SPDL1: variants seen among roughly 807,000 people sequenced by gnomAD.
The protein encoded by SPDL1 is spindle apparatus coiled-coil protein 1.
A neutral mutation model predicts 79.5 loss-of-function variants in SPDL1; 85 were observed. The observed-to-expected ratio is 1.07, with a 90% CI of 0.90 to 1.28. The LOEUF (loss-of-function observed/expected upper bound fraction) is 1.28. Ranked by LOEUF, SPDL1 falls within the 50% of genes most tolerant of loss-of-function variation. SPDL1 has a pLI of 0.00. For synonymous variants in SPDL1, 269 were observed against 240.3 expected (o/e 1.12, Z -1.10); for missense variants, 703 against 697.8 (o/e 1.01, Z -0.08).
intron 10 of SPDL1, among the ~76,000 whole-genome samples, chr5:169,599,740 A>C (rs189632692): frequency 6.6e-6 from 1 of 152,298 alleles, no homozygotes; most frequent in Admixed American, 6.5e-5. Flanking sequence ...CTTGATTCTC[A>C]GGGGCCATGT....
chr5:169,593,332 A>G, intron 3 of SPDL1, 22 bp from the exon 4 acceptor site: 1 of 1,482,692 alleles, frequency 6.7e-7, no homozygotes, highest in Non-Finnish European at 9.2e-7. Flanking sequence ...TCAATTTATG[A>G]CTTTTTTTTT....
chr5:169,586,861 AAATTAT>A (rs1308909484), intron 1 of SPDL1, among the ~76,000 whole-genome samples: 1 of 152,194 alleles, frequency 6.6e-6, no homozygotes, highest in African/African-American at 2.4e-5. Flanking sequence ...TGATTCTTTT[AAATTAT>A]ATCAGATCCT....
intron 9 of SPDL1, 104 bp downstream of exon 9, chr5:169,598,683 C>T (rs983790991): frequency 2.3e-5 from 25 of 1,101,356 alleles, no homozygotes; most frequent in East Asian, 4.8e-5. Context: ...GGAAATTTTC[C>T]GAAAAGAAAG....
At chr5:169,601,118 T>A (rs1227834301) in intron 10 of SPDL1, among the ~76,000 whole-genome samples, 162 bp from the exon 11 acceptor site, 2 of 152,212 alleles carry the variant, frequency 1.3e-5, no homozygotes, top group Non-Finnish European at 2.9e-5. Context: ...GATTCCATGA[T>A]AAAGAATAAA....
intron 11 of SPDL1, among the ~76,000 whole-genome samples, chr5:169,602,959 A>G (rs1475360121): frequency 1.3e-5 from 2 of 152,152 alleles, no homozygotes; most frequent in Non-Finnish European, 2.9e-5. Flanking sequence ...CAGCCTTGCT[A>G]TCTGTATTGT....
intron 1 of SPDL1, chr5:169,587,296 T>C (rs1363258255): frequency 6.6e-6 from 1 of 152,198 alleles, no homozygotes; most frequent in East Asian, 1.9e-4. Flanking sequence ...CAAGAAATAC[T>C]CGTTCAGTGA....
rs1235734384 is a variant in SPDL1, at chr5:169,598,952, C to G, written c.1137-20C>G. 3 of 1,515,778 alleles carry G rather than the reference C, an allele frequency of 2.0e-6. No homozygotes were observed. Among genetic ancestry groups the G allele is most frequent in the South Asian group, 2.7e-5 (2 of 74,652 alleles). 93.9% of individuals were successfully genotyped at this position (1,515,778 alleles called of 1,614,324 possible). Reference sequence around the variant, plus strand: ...TATGCTGTCTTAATACTCGTTGGTTCTCCTTTTTTATTATCATAGCAAAGA... The same window carrying G: ...TATGCTGTCTTAATACTCGTTGGTTGTCCTTTTTTATTATCATAGCAAAGA... On this transcript the variant is annotated intron_variant, in intron 9 of 11. Transcript: ENST00000265295.
chr5:169,600,834 C>T (rs1252719624), intron 10 of SPDL1, among the ~76,000 whole-genome samples: 1 of 152,040 alleles, frequency 6.6e-6, no homozygotes, highest in Admixed American at 6.6e-5. Flanking sequence ...TACACAATAC[C>T]AAGTGAAGTG....
chr5:169,599,073 A>G lies in SPDL1; in HGVS notation c.1238A>G (p.Asn413Ser). ...GATATTGAGCGAAAACTTTTTGCAA[A>G]TGAAAGATGCCTCCAGCTTTCAGAA... ...ALDIERKLFA[N>S]ERCLQLSESE... is the part of the protein sequence containing the mutation. Residue 413 changes from asparagine to serine, a missense_variant, in exon 10 of 12, where the codon AAT becomes AGT. Transcript: ENST00000265295. The G allele has an allele frequency of 1.2e-6, 2 of 1,603,812 alleles. No individual in the cohort carries two copies. The highest frequency in any genetic ancestry group is 2.2e-5 in the East Asian group (1 of 44,624).
Position 169,594,595 on chromosome 5 carries a change from GA to G in SPDL1, c.807del (p.Glu269AspfsTer7). 2 of 1,614,004 alleles carry G rather than the reference GA, an allele frequency of 1.2e-6. No homozygotes were observed. Among genetic ancestry groups the G allele is most frequent in the Non-Finnish European group, 1.7e-6 (2 of 1,179,892 alleles). On this transcript the variant is annotated frameshift_variant, in exon 7 of 12. Coordinates refer to ENST00000265295, the MANE Select transcript of SPDL1 (RefSeq NM_017785.5). LOFTEE classifies it high-confidence loss of function. ...GGTGGAAGATCGAAGGGCAGCAATG[GA>G]ACGTCAGCTCATCAGTATGAAAGTC... ...AEVEDRRAAM[E>X]RQLISMKVKY...
intron 11 of SPDL1, 173 bp downstream of exon 11, chr5:169,601,798 C>A: frequency 1.4e-6 from 1 of 720,062 alleles, no homozygotes; most frequent in South Asian, 1.5e-5. Flanking sequence ...AAAGACTAAA[C>A]TGATTGCAAA....
intron 4 of SPDL1, among the ~76,000 whole-genome samples, chr5:169,593,827 A>G (rs968280457): frequency 3.3e-5 from 5 of 152,178 alleles, no homozygotes; most frequent in African/African-American, 7.2e-5. Context: ...ATTTTATCGT[A>G]AGAGCCCAGT....
In SPDL1 at chr5:169,604,074, C is replaced by A. The variant is rs1271327797; in HGVS notation, c.1685C>A (p.Ser562Ter). ...TPNSPRLAAE[S>*]KLQTEVKEGK... ...AATGCCTGTAGGTTAGCTGCTGAAT[C>A]AAAGCTTCAAACAGAAGTTAAAGAA... The change falls in exon 12 of 12, where the codon TCA (serine) becomes TAA (stop). Residue 562 changes from serine (S) to a stop codon, truncating the protein, a stop_gained. Coordinates refer to ENST00000265295, the MANE Select transcript of SPDL1 (RefSeq NM_017785.5). LOFTEE classifies it high-confidence loss of function. 8 of 1,609,708 alleles carry A rather than the reference C, an allele frequency of 5.0e-6. No homozygotes were observed. The African/African-American group carries it at 8.1e-5, about 16-fold the overall frequency.
Position 169,601,521 on chromosome 5 carries a change from G to T in SPDL1, c.1566G>T (p.Val522=). Residue 522 remains valine, a synonymous_variant, in exon 11 of 12, where the codon GTG becomes GTT. Coordinates refer to ENST00000265295, the MANE Select transcript of SPDL1 (RefSeq NM_017785.5). ...TCTCTCCTCACAAAAATCTGCCCGT[G>T]GATATGCAGCTGAAGAAGGAAAAGA... ...VSLSPHKNLP[V]DMQLKKEKKC... 1 of 1,614,076 alleles carries T rather than the reference G, an allele frequency of 6.2e-7. No individual in the cohort carries two copies. The highest frequency in any genetic ancestry group is 8.5e-7 in the Non-Finnish European group (1 of 1,180,022).
At position 169,594,154 on chromosome 5, in the gene SPDL1, AAAG is replaced by A. The variant is rs1462822633; in HGVS notation, c.548_550del (p.Glu183del). ...AATTCCTGTTAAATAGACCACCCTC[AAAG>A]AAGAAGTGAATGAACTACAATACAG... On this transcript the variant is annotated inframe_deletion, in exon 5 of 12. Transcript: ENST00000265295. 9 of 1,601,484 alleles carry A rather than the reference AAAG, an allele frequency of 5.6e-6. No homozygotes were observed. The highest frequency in any genetic ancestry group is 3.3e-4 in the Middle Eastern group (2 of 5,992).
chr5:169,590,626 A>G (rs1392675536), intron 2 of SPDL1: 1 of 423,494 alleles, frequency 2.4e-6, no homozygotes, highest in Non-Finnish European at 4.7e-6. Context: ...CTAATTCAGT[A>G]TTTCTTTTTT....
chr5:169,585,649 G>A (rs1183198349), intron 1 of SPDL1, among the ~76,000 whole-genome samples: 1 of 152,194 alleles, frequency 6.6e-6, no homozygotes, highest in Non-Finnish European at 1.5e-5. Flanking sequence ...TAGTTGGCTG[G>A]CCGTATCATG....
intron 1 of SPDL1, among the ~76,000 whole-genome samples, chr5:169,587,600 A>T (rs1755053066): frequency 6.6e-6 from 1 of 152,240 alleles, no homozygotes; most frequent in South Asian, 2.1e-4. Context: ...GATTTAATAT[A>T]TTCAGGAAGT....
intron 1 of SPDL1, among the ~76,000 whole-genome samples, chr5:169,584,406 C>G (rs887153184): frequency 1.3e-5 from 2 of 152,210 alleles, no homozygotes; most frequent in African/African-American, 4.8e-5. Flanking sequence ...CGTTATATTT[C>G]TGCTGGACAG....
Sources: gnomAD v4.1 joint callset for allele counts (sites outside exome capture counted in the v4.1 genomes callset) on GRCh38, gnomAD v4.1.1 for gene constraint, MANE v1.5 for transcripts, NCBI Gene and HGNC (gene_info 2026-07-23, HGNC 2026-07-21) for gene names.